The following MTHFD1L variants were observed in gnomAD, a reference collection of about 807,000 sequenced individuals.
MTHFD1L encodes methylenetetrahydrofolate dehydrogenase (NADP+ dependent) 1 like.
MTHFD1L carries 81 observed loss-of-function variants against 119.5 expected under a neutral mutation model. The observed-to-expected ratio is 0.68, with a 90% CI of 0.57 to 0.82. The LOEUF (loss-of-function observed/expected upper bound fraction) is 0.82, where lower values mean the gene tolerates loss of function less well. Among genes scored for constraint, MTHFD1L ranks in the 40% least tolerant of loss-of-function variants. The pLI is 0.00. For synonymous variants in MTHFD1L, 430 were observed against 475.2 expected (o/e 0.90, Z 1.24); for missense variants, 1,125 against 1,253.4 (o/e 0.90, Z 1.55).
At chr6:151,017,736 G>A (rs1321078894) in intron 24 of MTHFD1L, among the ~76,000 whole-genome samples, 1 of 151,698 alleles carries the variant, frequency 6.6e-6, no homozygotes, top group African/African-American at 2.4e-5. Context: ...GGACACTTGA[G>A]CTCCCCCTCA....
intron 26 of MTHFD1L, among the ~76,000 whole-genome samples, chr6:151,042,501 G>T (rs770389290): frequency 6.6e-6 from 1 of 152,076 alleles, no homozygotes; most frequent in Non-Finnish European, 1.5e-5. Context: ...TTCTTTCAAG[G>T]ATTATGGTTT....
rs61754784 is a variant in MTHFD1L, at chr6:150,926,163, A to G, written c.1124A>G (p.Asp375Gly). Residue 375 changes from aspartate to glycine, a missense_variant, in exon 11 of 28, where the codon GAT (aspartate) becomes GGT (glycine). Asp to Gly is a moderately conservative substitution (Grantham distance 94, BLOSUM62 -1). Coordinates refer to ENST00000367321, the MANE Select transcript of MTHFD1L (RefSeq NM_015440.5). This position sits in a 1 kb window ranked among gnomAD's most constrained non-coding sequence, Gnocchi z 4.3. Reference sequence around the variant, plus strand: ...AGAGGACAAACTCCAAAAGCTGTGGATGTCCTTGCCAAGGAGATTGGATTG... The same window carrying G: ...AGAGGACAAACTCCAAAAGCTGTGGGTGTCCTTGCCAAGGAGATTGGATTG... ...ISRGQTPKAV[D>G]VLAKEIGLLA... 2,623 of 1,614,020 alleles carry G rather than the reference A, an allele frequency of 1.6e-3. 38 individuals carry two copies. In the African/African-American group the frequency reaches 0.03, roughly 19 times the overall value.
intron 4 of MTHFD1L, 132 bp downstream of exon 4, chr6:150,877,958 C>G: frequency 9.9e-7 from 1 of 1,006,522 alleles, no homozygotes; most frequent in South Asian, 1.4e-5. Context: ...GGGAAGACTT[C>G]ACTTCTTTTC....
chr6:151,097,184 A>G (rs11753794), intron 27 of MTHFD1L, among the ~76,000 whole-genome samples: 52,214 of 152,100 alleles, frequency 0.34, 9,176 homozygotes, highest in Middle Eastern at 0.46. Flanking sequence ...GAAGAATTCA[A>G]GGACTCCCTT....
chr6:150,873,446 A>C (rs1369222307), intron 1 of MTHFD1L, among the ~76,000 whole-genome samples: 1 of 152,072 alleles, frequency 6.6e-6, no homozygotes, highest in East Asian at 1.9e-4. Context: ...AGAAAAAAAC[A>C]AACGTACATT....
At chr6:151,084,971 A>G (rs1357438696) in intron 26 of MTHFD1L, among the ~76,000 whole-genome samples, 1 of 36,436 alleles carries the variant, frequency 2.7e-5, no homozygotes, top group Non-Finnish European at 6.9e-5. Context: ...CATCTCAAAG[A>G]AAAAAAAAAA....
At chr6:150,907,086 G>C (rs980826693) in intron 8 of MTHFD1L, among the ~76,000 whole-genome samples, 2 of 149,900 alleles carry the variant, frequency 1.3e-5, no homozygotes, top group Admixed American at 6.7e-5. Flanking sequence ...AGTCAGATTA[G>C]GAAAATCAGT....
At chr6:151,023,380 A>C (rs1043129956) in intron 24 of MTHFD1L, among the ~76,000 whole-genome samples, 1 of 152,062 alleles carries the variant, frequency 6.6e-6, no homozygotes, top group African/African-American at 2.4e-5. Context: ...ACCTTCTGCA[A>C]ACACACCTTA....
Position 150,866,033 on chromosome 6 carries a change from C to G in MTHFD1L, c.211C>G (p.Arg71Gly). 1 of 1,445,358 alleles carries G rather than the reference C, an allele frequency of 6.9e-7. No homozygotes were observed. The highest frequency in any genetic ancestry group is 9.0e-7 in the Non-Finnish European group (1 of 1,106,138). The allele number at this position is 1,445,358 out of a possible 1,614,324, so 89.5% of individuals were successfully genotyped here. ...CCCCGGCGGCCGAACGCCCGCGGCG[C>G]GGGACTCCATCGTCAGGTGAGTGTC... The part of the protein sequence containing the change: ...CSPGGRTPAA[R>G]DSIVREVIQN... Residue 71 changes from arginine to glycine, a missense_variant, in exon 1 of 28, where the codon CGG (arginine) becomes GGG (glycine). Around this residue, in one of 3 missense-constraint regions of MTHFD1L, gnomAD observed 1,058 missense variants for 1,151.2 expected, o/e 0.92. Transcript: ENST00000367321.
At chr6:151,002,486 T>C (rs9478910) in intron 20 of MTHFD1L, among the ~76,000 whole-genome samples, 35,158 of 152,082 alleles carry the variant, frequency 0.23, 4,122 homozygotes, top group Middle Eastern at 0.31. Context: ...CGTGTGCACA[T>C]TGAGCGGTAA....
intron 6 of MTHFD1L, among the ~76,000 whole-genome samples, chr6:150,887,599 G>A (rs371364824): frequency 7.2e-4 from 109 of 152,272 alleles, no homozygotes; most frequent in African/African-American, 2.6e-3. Context: ...GGGATTATAG[G>A]CATGTGCCAT....
At chr6:150,893,891 G>A (rs138310681) in intron 7 of MTHFD1L, among the ~76,000 whole-genome samples, 230 of 152,238 alleles carry the variant, frequency 1.5e-3, no homozygotes, top group Middle Eastern at 3.4e-3. Context: ...CTGTTCCCTC[G>A]CGTAGAAAGG....
At chr6:150,921,890 A>T (rs930454818) in intron 9 of MTHFD1L, among the ~76,000 whole-genome samples, 1 of 152,240 alleles carries the variant, frequency 6.6e-6, no homozygotes, top group Non-Finnish European at 1.5e-5. Flanking sequence ...CAAGGGAACT[A>T]TAGAATTAAG....
intron 20 of MTHFD1L, among the ~76,000 whole-genome samples, chr6:150,995,172 A>T (rs1330559394): frequency 3.3e-5 from 5 of 151,970 alleles, no homozygotes; most frequent in African/African-American, 9.7e-5. Context: ...GGGTGGGGAG[A>T]TGGGAACATG....
At chr6:150,963,680 T>C (rs1796780673) in intron 18 of MTHFD1L, among the ~76,000 whole-genome samples, 1 of 152,254 alleles carries the variant, frequency 6.6e-6, no homozygotes, top group Non-Finnish European at 1.5e-5. Flanking sequence ...ACTGCATCTG[T>C]TAGCGCCATG....
chr6:150,868,801 G>A (rs1778894053), intron 1 of MTHFD1L, among the ~76,000 whole-genome samples: 1 of 152,190 alleles, frequency 6.6e-6, no homozygotes. Flanking sequence ...CATGGTTCAT[G>A]CCTGTAATCC....
chr6:151,006,098 C>T (rs1251507933), intron 20 of MTHFD1L, among the ~76,000 whole-genome samples: 1 of 151,968 alleles, frequency 6.6e-6, no homozygotes, highest in Non-Finnish European at 1.5e-5. Flanking sequence ...AAGGCGTGGT[C>T]CCGCCCTCCA....
At chr6:150,875,386 G>A (rs1780268827) in intron 1 of MTHFD1L, among the ~76,000 whole-genome samples, 1 of 152,078 alleles carries the variant, frequency 6.6e-6, no homozygotes, top group Non-Finnish European at 1.5e-5. Flanking sequence ...ACCCCAGGCT[G>A]GCACCTCCCT....
chr6:151,065,201 TA>T (rs1791104331), intron 26 of MTHFD1L, among the ~76,000 whole-genome samples: 1 of 152,174 alleles, frequency 6.6e-6, no homozygotes, highest in African/African-American at 2.4e-5. Context: ...GTCTGACAGC[TA>T]GGGGCATGTT....
Sources: gnomAD v4.1 joint callset for allele counts (sites outside exome capture counted in the v4.1 genomes callset) on GRCh38, gnomAD v4.1.1 for gene constraint, gnomAD v4.1.1 regional missense constraint, Gnocchi (gnomAD v3.1) non-coding constraint, MANE v1.5 for transcripts, NCBI Gene and HGNC (gene_info 2026-07-23, HGNC 2026-07-21) for gene names.